GRID2: variants seen among roughly 807,000 people sequenced by gnomAD.
GRID2 encodes glutamate receptor ionotropic, delta-2.
A neutral mutation model predicts 114.8 loss-of-function variants in GRID2; 33 were observed. The ratio of observed to expected loss-of-function variants is 0.29; its 90% confidence interval spans 0.22 to 0.38. The LOEUF is 0.38. Among genes scored for constraint, GRID2 ranks in the 10% least tolerant of loss-of-function variants. The pLI, the probability that GRID2 is intolerant of heterozygous loss-of-function variation, is 1.00. For missense variants in GRID2, 1,184 were observed against 1,257.7 expected, an observed-to-expected ratio of 0.94 and a Z score of 0.89; for synonymous variants, 505 against 449.9, an observed-to-expected ratio of 1.12 and a Z score of -1.55.
intron 2 of GRID2, among the ~76,000 whole-genome samples, chr4:92,637,393 A>G (rs534152242): frequency 6.6e-6 from 1 of 152,140 alleles, no homozygotes; most frequent in South Asian, 2.1e-4. Flanking sequence ...TCAAAATAGA[A>G]TGTATATTTT....
chr4:92,920,422 G>C (rs569430526), intron 2 of GRID2, among the ~76,000 whole-genome samples: 12 of 152,154 alleles, frequency 7.9e-5, no homozygotes, highest in Non-Finnish European at 1.8e-4. Context: ...CTCATTAGTT[G>C]ATGCAGTTTC....
At chr4:92,769,470 G>A (rs1001315255) in intron 2 of GRID2, among the ~76,000 whole-genome samples, 3 of 152,160 alleles carry the variant, frequency 2.0e-5, no homozygotes, top group African/African-American at 4.8e-5. Flanking sequence ...GCACTAGGTG[G>A]TGCCCCAGTG....
At chr4:92,608,980 T>G (rs1729588883) in intron 2 of GRID2, among the ~76,000 whole-genome samples, 1 of 151,798 alleles carries the variant, frequency 6.6e-6, no homozygotes, top group Non-Finnish European at 1.5e-5. Context: ...AAAAATTTGT[T>G]GTTTAGCAAA....
At chr4:93,421,232 C>T (rs931505923) in intron 9 of GRID2, among the ~76,000 whole-genome samples, 2 of 152,140 alleles carry the variant, frequency 1.3e-5, no homozygotes, top group African/African-American at 4.8e-5. Flanking sequence ...ACCCTGTTTA[C>T]ATCACGTTGG....
intron 1 of GRID2, among the ~76,000 whole-genome samples, chr4:92,487,625 A>G (rs1472636926): frequency 3.3e-5 from 5 of 151,998 alleles, no homozygotes; most frequent in African/African-American, 1.2e-4. Context: ...ATTCTTCTAT[A>G]TGCTATATCC....
chr4:93,134,951 T>G (rs777371248), intron 4 of GRID2, among the ~76,000 whole-genome samples: 2 of 152,138 alleles, frequency 1.3e-5, no homozygotes, highest in Non-Finnish European at 2.9e-5. Context: ...GTGCTCTCTC[T>G]GAAAATAAAA....
intron 10 of GRID2, among the ~76,000 whole-genome samples, chr4:93,433,492 G>A (rs931132726): frequency 1.3e-5 from 2 of 152,100 alleles, no homozygotes; most frequent in African/African-American, 4.8e-5. Flanking sequence ...TCTAAGAAAG[G>A]CAAAATTCCA....
chr4:93,243,432 T>G lies in GRID2; in HGVS notation c.1245+4942T>G, dbSNP rs144358756. 3.6e-3 allele frequency among the ~76,000 whole-genome samples: 551 copies of G among 152,162 alleles called. 4 individuals carry two copies. The highest frequency in any genetic ancestry group is 0.013 in the African/African-American group (529 of 41,550). ...CAAAATGAAGGTTCCACTCCCAGTT[T>G]CTCCATGTCTCAAAAGGAGTGAATG... On this transcript the variant is annotated intron_variant, in intron 8 of 15. Transcript: ENST00000282020.
At chr4:93,177,685 A>G (rs1487141223) in intron 4 of GRID2, among the ~76,000 whole-genome samples, 1 of 152,218 alleles carries the variant, frequency 6.6e-6, no homozygotes, top group Non-Finnish European at 1.5e-5. Context: ...TATGCCAACC[A>G]GCAGGTACAT....
intron 2 of GRID2, among the ~76,000 whole-genome samples, chr4:92,618,994 T>A (rs1234791527): frequency 6.6e-6 from 1 of 151,716 alleles, no homozygotes; most frequent in African/African-American, 2.4e-5. Flanking sequence ...TCCTTTCCAA[T>A]TTGGATGCCG....
intron 14 of GRID2, among the ~76,000 whole-genome samples, chr4:93,632,669 CT>C (rs1390588464): frequency 6.6e-6 from 1 of 152,112 alleles, no homozygotes; most frequent in African/African-American, 2.4e-5. Context: ...CAGCTTTGTT[CT>C]TTTTGCTTAA....
intron 14 of GRID2, among the ~76,000 whole-genome samples, chr4:93,747,943 C>T (rs924092753): frequency 2.0e-5 from 3 of 151,958 alleles, no homozygotes; most frequent in African/African-American, 7.2e-5. Context: ...TTTCAACTTG[C>T]AGAGGAAATG....
intron 2 of GRID2, among the ~76,000 whole-genome samples, chr4:92,628,628 G>T (rs758959522): frequency 2.0e-5 from 3 of 152,146 alleles, no homozygotes; most frequent in Non-Finnish European, 4.4e-5. Context: ...AAAGTGCTAG[G>T]ATTACAGGCG....
At chr4:93,104,946 T>C (rs919102475) in intron 3 of GRID2, among the ~76,000 whole-genome samples, 42 of 151,888 alleles carry the variant, frequency 2.8e-4, no homozygotes, top group Non-Finnish European at 4.4e-4. Context: ...TGTTCCTGTT[T>C]CTCCACATCC....
At chr4:92,475,758 G>C (rs1358349522) in intron 1 of GRID2, among the ~76,000 whole-genome samples, 1 of 151,684 alleles carries the variant, frequency 6.6e-6, no homozygotes, top group African/African-American at 2.4e-5. Flanking sequence ...ATATCACTTT[G>C]GGTATTATGA....
chr4:93,228,113 C>T (rs1745710479), intron 7 of GRID2, among the ~76,000 whole-genome samples: 1 of 152,108 alleles, frequency 6.6e-6, no homozygotes, highest in Non-Finnish European at 1.5e-5. Context: ...AACAACAGCT[C>T]CACTTATTGG....
At chr4:92,539,395 AT>A (rs1725817092) in intron 1 of GRID2, among the ~76,000 whole-genome samples, 1 of 152,128 alleles carries the variant, frequency 6.6e-6, no homozygotes, top group African/African-American at 2.4e-5. Flanking sequence ...CATAGCATTT[AT>A]TTGTATTAAA....
At chr4:92,714,182 G>A (rs1281127322) in intron 2 of GRID2, among the ~76,000 whole-genome samples, 2 of 152,172 alleles carry the variant, frequency 1.3e-5, no homozygotes, top group African/African-American at 4.8e-5. Flanking sequence ...AGGGGCTAGA[G>A]GCCCCATGTA....
intron 1 of GRID2, among the ~76,000 whole-genome samples, chr4:92,562,802 A>G (rs374172040): frequency 6.6e-6 from 1 of 152,178 alleles, no homozygotes; most frequent in Non-Finnish European, 1.5e-5. Context: ...TATCTTTACT[A>G]AGGCTATATT....
Sources: allele counts gnomAD v4.1 joint callset (sites outside exome capture counted in the v4.1 genomes callset), GRCh38; gene constraint gnomAD v4.1.1; transcripts MANE v1.5; gene names NCBI Gene and HGNC (gene_info 2026-07-23, HGNC 2026-07-21).